SP140: variants seen among roughly 807,000 people sequenced by gnomAD.
SP140 encodes the protein nuclear body protein SP140.
In SP140, 81 loss-of-function variants were observed where a neutral mutation model predicts 125.0. The observed-to-expected ratio is 0.65, with a 90% CI of 0.54 to 0.78. The LOEUF (loss-of-function observed/expected upper bound fraction) is 0.78, where lower values mean the gene tolerates loss of function less well. SP140 is among the 30% of genes least tolerant of loss of function. The pLI is 0.00. For missense variants in SP140, 858 were observed against 1,037.0 expected (o/e 0.83, Z 2.37); for synonymous variants, 312 against 354.0 (o/e 0.88, Z 1.33).
At chr2:230,201,255 G>A (rs941657900), upstream of SP140, among the ~76,000 whole-genome samples, 1 of 152,208 alleles carries the variant, frequency 6.6e-6, no homozygotes, top group African/African-American at 2.4e-5. Flanking sequence ...CTCAAAGTAA[G>A]GTCTGTGAGC....
chr2:230,251,646 T>G (rs954502956), intron 10 of SP140, among the ~76,000 whole-genome samples: 1 of 152,188 alleles, frequency 6.6e-6, no homozygotes, highest in Non-Finnish European at 1.5e-5. Context: ...ATTACAAACT[T>G]GACAAAGCCT....
chr2:230,192,356 C>A, the SP140 span, among the ~76,000 whole-genome samples: 3 of 152,132 alleles, frequency 2.0e-5, no homozygotes, highest in Admixed American at 1.3e-4. Flanking sequence ...TTTCTGTTTG[C>A]AGATGACATG....
intron 1 of SP140, among the ~76,000 whole-genome samples, chr2:230,209,336 G>A (rs56275915): frequency 0.12 from 18,680 of 152,090 alleles, 1,286 homozygotes; most frequent in South Asian, 0.27. Flanking sequence ...TCTGTTATCC[G>A]TGTGTACCCT....
At chr2:230,307,524 G>T (rs1355808568) in intron 22 of SP140, among the ~76,000 whole-genome samples, 2 of 152,230 alleles carry the variant, frequency 1.3e-5, no homozygotes, top group African/African-American at 4.8e-5. Context: ...GCTTCTAGGT[G>T]CCAGCACATC....
chr2:230,219,899 C>T lies in SP140; in HGVS notation c.-91+5825C>T, dbSNP rs200659531. On this transcript the variant is annotated intron_variant, in intron 3 of 4. Coordinates refer to the SP140 transcript ENST00000456542. Reference sequence around the variant, plus strand: ...CTGGACTTTGAGTTTGTCGTTCCTGCCCCTTTCCAGGGGCTGGGACAGGGA... The same window carrying T: ...CTGGACTTTGAGTTTGTCGTTCCTGTCCCTTTCCAGGGGCTGGGACAGGGA... 3 of 985,232 alleles carry T rather than the reference C, an allele frequency of 3.0e-6. No homozygotes were observed. In the South Asian group the frequency reaches 1.4e-4, roughly 46 times the overall value. 61.0% of individuals were successfully genotyped at this position (985,232 alleles called of 1,614,324 possible). A position where few individuals can be genotyped will look rare whatever the true frequency, so the allele number is the denominator to read the frequency against.
chr2:230,236,018 A>G (rs2047953354), intron 1 of SP140, among the ~76,000 whole-genome samples: 1 of 151,974 alleles, frequency 6.6e-6, no homozygotes, highest in African/African-American at 2.4e-5. Context: ...CTGGGACTAC[A>G]GGCACCTGCC....
chr2:230,245,683 GGA>G (rs1424161821), intron 6 of SP140, among the ~76,000 whole-genome samples, 178 bp from the exon 7 acceptor site: 2 of 151,962 alleles, frequency 1.3e-5, no homozygotes, highest in Admixed American at 6.6e-5. Context: ...GGAGAGAGAG[GGA>G]GAGAGGGGAA....
upstream of SP140, chr2:230,221,655 G>A (rs747734968): frequency 6.4e-5 from 97 of 1,505,218 alleles, no homozygotes; most frequent in African/African-American, 6.6e-4. Context: ...AGGGGATGGC[G>A]GTGGTAAAGG....
At chr2:230,291,604 C>A (rs1328201332) in intron 19 of SP140, among the ~76,000 whole-genome samples, 5 of 152,134 alleles carry the variant, frequency 3.3e-5, no homozygotes, top group Non-Finnish European at 5.9e-5. Flanking sequence ...TATTTCATTT[C>A]TTTTATTGAC....
intron 9 of SP140, among the ~76,000 whole-genome samples, chr2:230,250,686 G>A (rs2149219045): frequency 6.6e-6 from 1 of 152,320 alleles, no homozygotes; most frequent in East Asian, 1.9e-4. Flanking sequence ...TGGAGCCACT[G>A]GCAGCAGGAA....
chr2:230,214,357 T>A (rs1364697449), intron 3 of SP140, among the ~76,000 whole-genome samples: 1 of 152,178 alleles, frequency 6.6e-6, no homozygotes, highest in African/African-American at 2.4e-5. Flanking sequence ...TTGTCCGGAC[T>A]AGTGGTTAAA....
In SP140 at chr2:230,285,795, G is replaced by C. The variant is rs2056304186; in HGVS notation, c.1608G>C (p.Lys536Asn). The change falls in exon 17 of 27, where the codon AAG (lysine) becomes AAC (asparagine). Residue 536 changes from lysine to asparagine, a missense_variant. By Grantham distance (94) the Lys-to-Asn change is moderately conservative. Coordinates refer to ENST00000392045, the MANE Select transcript of SP140 (RefSeq NM_007237.5). Reference sequence around the variant, plus strand: ...GCCAGGTGGTCTCCAGTGAAAAGAAGGCGAACGTGAATCTGAAAGACCTTT... The same window carrying C: ...GCCAGGTGGTCTCCAGTGAAAAGAACGCGAACGTGAATCTGAAAGACCTTT... ...ADGQVVSSEK[K>N]ANVNLKDLSK... 1 of 1,613,858 alleles carries C rather than the reference G, an allele frequency of 6.2e-7. No individual in the cohort carries two copies. Among genetic ancestry groups the C allele is most frequent in the Admixed American group, 1.7e-5 (1 of 60,018 alleles).
chr2:230,198,106 A>G, the SP140 span, among the ~76,000 whole-genome samples: 1 of 136,426 alleles, frequency 7.3e-6, no homozygotes, highest in South Asian at 2.6e-4. Context: ...GTAGGACAAT[A>G]GGACCCTCTG....
chr2:230,248,877 A>G lies in SP140; in HGVS notation c.893-8A>G, dbSNP rs753929381. On this transcript the variant is annotated splice_polypyrimidine_tract_variant and splice_region_variant and intron_variant, in intron 8 of 26. Transcript: ENST00000392045. ...TCTGTGGTCTGTCAATTTCTTGTTT[A>G]TCTGCAGAGACCTTTGATCTAAAAA... 6 of 1,609,258 alleles carry G rather than the reference A, an allele frequency of 3.7e-6. No individual in the cohort carries two copies. The highest frequency in any genetic ancestry group is 3.4e-6 in the Non-Finnish European group (4 of 1,175,728).
chr2:230,246,977 A>G (rs2049543840), intron 7 of SP140, among the ~76,000 whole-genome samples: 1 of 152,118 alleles, frequency 6.6e-6, no homozygotes, highest in Non-Finnish European at 1.5e-5. Context: ...GGATGGAGGG[A>G]AGATTCACTA....
At chr2:230,272,498 T>C (rs575971197) in intron 15 of SP140, among the ~76,000 whole-genome samples, 2 of 152,288 alleles carry the variant, frequency 1.3e-5, no homozygotes, top group South Asian at 2.1e-4. Context: ...TGAGATCTAA[T>C]AGTTTTATAA....
upstream of SP140, among the ~76,000 whole-genome samples, chr2:230,223,103 C>G (rs1193052237): frequency 1.3e-5 from 2 of 150,550 alleles, no homozygotes; most frequent in Non-Finnish European, 2.9e-5. Context: ...GTGGCGCAAT[C>G]TTGGCTCACT....
At chr2:230,195,616 C>T in the SP140 span, among the ~76,000 whole-genome samples, 100 of 152,088 alleles carry the variant, frequency 6.6e-4, no homozygotes, top group African/African-American at 2.2e-3. Context: ...AGGCATGAGC[C>T]GGCATGCCTT....
chr2:230,251,805 C>T (rs576768565), intron 10 of SP140, among the ~76,000 whole-genome samples: 34 of 152,124 alleles, frequency 2.2e-4, no homozygotes, highest in Admixed American at 1.4e-3. Context: ...ACATTTTTAC[C>T]CTCAGAAACC....
Sources: gnomAD v4.1 joint callset for allele counts (sites outside exome capture counted in the v4.1 genomes callset) on GRCh38, gnomAD v4.1.1 for gene constraint, MANE v1.5 for transcripts, NCBI Gene and HGNC (gene_info 2026-07-23, HGNC 2026-07-21) for gene names.